The following ABCA13 variants were observed in gnomAD, a reference collection of about 807,000 sequenced individuals.
The protein encoded by ABCA13 is ATP binding cassette subfamily A member 13.
A neutral mutation model predicts 478.7 loss-of-function variants in ABCA13; 476 were observed. The observed-to-expected ratio is 0.99, with a 90% CI of 0.92 to 1.07. The LOEUF is 1.07. ABCA13 is among the 50% of genes least tolerant of loss of function. The pLI, the probability that ABCA13 is intolerant of heterozygous loss-of-function variation, is 0.00. For missense variants in ABCA13, 6,060 were observed against 5,910.6 expected, an observed-to-expected ratio of 1.03 and a Z score of -0.83; for synonymous variants, 2,252 against 2,158.9, an observed-to-expected ratio of 1.04 and a Z score of -1.20.
Position 48,368,514 on chromosome 7 carries a change from T to A in ABCA13, c.10803+606T>A, listed in dbSNP as rs375659627. On this transcript the variant is annotated intron_variant, in intron 32 of 61. Transcript: ENST00000435803. ...CCAAAGAATCATTCTTATACCTTTG[T>A]GTCTCATAGCTTAGCTCCCACACGT... Among the ~76,000 whole-genome samples the A allele has an allele frequency of 9.4e-4, 143 of 151,942 alleles. 1 individual carries two copies. The highest frequency in any genetic ancestry group is 3.3e-3 in the African/African-American group (135 of 41,462).
At chr7:48,456,783 G>A (rs928059517) in intron 43 of ABCA13, among the ~76,000 whole-genome samples, 1 of 151,052 alleles carries the variant, frequency 6.6e-6, no homozygotes, top group Non-Finnish European at 1.5e-5. Flanking sequence ...TCTCTTTTTG[G>A]GGGCATATAA....
Position 48,511,101 on chromosome 7 carries a change from C to T in ABCA13, c.13542C>T (p.Ser4514=), listed in dbSNP as rs755074849. 44 of 1,613,396 alleles carry T rather than the reference C, an allele frequency of 2.7e-5. No homozygotes were observed. The African/African-American group carries it at 2.8e-4, about 10-fold the overall frequency. The change falls in exon 51 of 62, where the codon TCC becomes TCT. Residue 4514 remains serine (S), a synonymous_variant. Transcript: ENST00000435803. ...FLYDMLFYLV[S]VCLCVAVIVA... ...CTTCTCAGCTCTTTTACTTGGTTTC[C>T]GTCTGCCTGTGTGTTGCCGTTATTG...
intron 20 of ABCA13, among the ~76,000 whole-genome samples, chr7:48,289,729 G>A (rs10499678): frequency 0.49 from 74,665 of 152,008 alleles, 18,600 homozygotes; most frequent in Middle Eastern, 0.57. Context: ...CCAGCTTTCA[G>A]AGCAACTGAC....
At chr7:48,610,930 T>C (rs955668212) in intron 58 of ABCA13, among the ~76,000 whole-genome samples, 1 of 152,196 alleles carries the variant, frequency 6.6e-6, no homozygotes, top group Non-Finnish European at 1.5e-5. Flanking sequence ...AGGCCTATGA[T>C]GCGAGGGGGG....
At chr7:48,458,633 G>A (rs1825925531) in intron 43 of ABCA13, among the ~76,000 whole-genome samples, 2 of 152,164 alleles carry the variant, frequency 1.3e-5, no homozygotes, top group Admixed American at 1.3e-4. Context: ...TAAATTCACT[G>A]AAAATTTCTT....
intron 43 of ABCA13, among the ~76,000 whole-genome samples, chr7:48,456,632 ACT>A (rs1043872081): frequency 2.0e-5 from 3 of 152,098 alleles, no homozygotes; most frequent in African/African-American, 7.2e-5. Flanking sequence ...ACTCTCTGTA[ACT>A]CTTTTACACT....
chr7:48,464,163 A>G (rs192298961), intron 43 of ABCA13, among the ~76,000 whole-genome samples: 1 of 152,384 alleles, frequency 6.6e-6, no homozygotes, highest in Non-Finnish European at 1.5e-5. Flanking sequence ...TGTTTCTAAC[A>G]TAGAGATTTA....
At chr7:48,533,597 G>A (rs1833382742) in intron 55 of ABCA13, among the ~76,000 whole-genome samples, 1 of 152,168 alleles carries the variant, frequency 6.6e-6, no homozygotes, top group South Asian at 2.1e-4. Context: ...GAGTATTAAA[G>A]TCCTCCACTA....
intron 53 of ABCA13, among the ~76,000 whole-genome samples, chr7:48,523,292 T>G (rs1467804447): frequency 6.6e-6 from 1 of 152,206 alleles, no homozygotes; most frequent in East Asian, 1.9e-4. Flanking sequence ...AAATGGTGAT[T>G]TTATATGTGG....
At chr7:48,420,410 A>G (rs1464154031) in intron 41 of ABCA13, among the ~76,000 whole-genome samples, 1 of 152,228 alleles carries the variant, frequency 6.6e-6, no homozygotes, top group Non-Finnish European at 1.5e-5. Flanking sequence ...GAGTTAGAAG[A>G]CTTGGCTTTG....
intron 1 of ABCA13, among the ~76,000 whole-genome samples, chr7:48,191,213 G>A (rs908686560): frequency 6.6e-5 from 10 of 152,142 alleles, no homozygotes; most frequent in Admixed American, 6.5e-4. Flanking sequence ...GTTATCTCCT[G>A]AGCGTCCTTG....
intron 50 of ABCA13, 53 bp downstream of exon 50, chr7:48,508,102 T>C: frequency 1.2e-6 from 2 of 1,610,594 alleles, no homozygotes; most frequent in Non-Finnish European, 1.7e-6. Flanking sequence ...ATCTAAATAG[T>C]GCGTGTATGG....
At chr7:48,215,855 T>C (rs1400487600) in intron 3 of ABCA13, among the ~76,000 whole-genome samples, 1 of 152,228 alleles carries the variant, frequency 6.6e-6, no homozygotes, top group Admixed American at 6.5e-5. Context: ...AGAATTTGTA[T>C]AAGTTATAGG....
At chr7:48,542,085 T>G (rs1339984777) in intron 55 of ABCA13, among the ~76,000 whole-genome samples, 3 of 151,596 alleles carry the variant, frequency 2.0e-5, no homozygotes, top group Non-Finnish European at 4.4e-5. Context: ...TGTGAAGTCA[T>G]TGCAGTCAAG....
chr7:48,601,605 C>G (rs1585940966), intron 58 of ABCA13, among the ~76,000 whole-genome samples: 2 of 152,150 alleles, frequency 1.3e-5, no homozygotes, highest in Admixed American at 6.5e-5. Context: ...ACCACATTTT[C>G]TTTATCCAGT....
At chr7:48,374,485 C>T in intron 34 of ABCA13, 69 bp downstream of exon 34, 1 of 1,358,398 alleles carries the variant, frequency 7.4e-7, no homozygotes, top group Non-Finnish European at 1.0e-6. Flanking sequence ...AGTTATATTG[C>T]AAGTGATCCA....
intron 49 of ABCA13, among the ~76,000 whole-genome samples, chr7:48,507,595 C>T (rs1279648400): frequency 1.3e-5 from 2 of 152,036 alleles, no homozygotes; most frequent in Non-Finnish European, 2.9e-5. Flanking sequence ...GAGTCAGGCT[C>T]AATGGTGAAG....
intron 38 of ABCA13, among the ~76,000 whole-genome samples, chr7:48,397,890 C>T (rs894096315): frequency 6.6e-6 from 1 of 152,164 alleles, no homozygotes; most frequent in African/African-American, 2.4e-5. Context: ...TTATTTAAAT[C>T]ATCCTTTCTT....
intron 4 of ABCA13, 77 bp from the exon 5 acceptor site, chr7:48,221,204 G>T (rs987553016): frequency 2.7e-6 from 2 of 736,646 alleles, no homozygotes; most frequent in Middle Eastern, 2.4e-4. Context: ...TTTGACTTTA[G>T]AATTAAAAGT....
Sources: gnomAD v4.1 joint callset for allele counts (sites outside exome capture counted in the v4.1 genomes callset) on GRCh38, gnomAD v4.1.1 for gene constraint, MANE v1.5 for transcripts, NCBI Gene and HGNC (gene_info 2026-07-23, HGNC 2026-07-21) for gene names.